Variants in UPRT observed in about 807,000 individuals in gnomAD.
UPRT encodes uracil phosphoribosyltransferase homolog, also known as RP11-311P8.3.
Under a neutral mutation model 22.6 loss-of-function variants are expected in UPRT, and 5 were observed. That is an observed-to-expected ratio of 0.22 (90% CI 0.12 to 0.47). The LOEUF (loss-of-function observed/expected upper bound fraction) is 0.47. Ranked by LOEUF, UPRT falls within the 20% of genes least tolerant of loss-of-function variation. The pLI is 0.99. For synonymous variants in UPRT, 77 were observed against 87.7 expected, an observed-to-expected ratio of 0.88 and a Z score of 0.68; for missense variants, 181 against 239.9, an observed-to-expected ratio of 0.75 and a Z score of 1.62.
chrX:75,183,093 T>C (rs2082276346), intron 4 of UPRT, among the ~76,000 whole-genome samples: 1 of 110,950 alleles, frequency 9.0e-6, no homozygotes, highest in African/African-American at 3.3e-5. Context: ...TACATATGTA[T>C]ACATGTGACA....
intron 4 of UPRT, among the ~76,000 whole-genome samples, chrX:75,255,881 A>C (rs1384639131): frequency 1.8e-5 from 2 of 111,933 alleles, no homozygotes; most frequent in African/African-American, 3.2e-5. Flanking sequence ...TAATAGACCT[A>C]AGAAATGAGT....
intron 4 of UPRT, among the ~76,000 whole-genome samples, chrX:75,248,018 C>T (rs1363777712): frequency 8.9e-6 from 1 of 111,836 alleles, no homozygotes; most frequent in Non-Finnish European, 1.9e-5. Flanking sequence ...CGGTTAGAAG[C>T]AAAACTAACA....
intron 4 of UPRT, among the ~76,000 whole-genome samples, chrX:75,253,605 C>A (rs1345206341): frequency 8.9e-6 from 1 of 111,854 alleles, no homozygotes; most frequent in South Asian, 3.8e-4. Context: ...ATGGACAGAG[C>A]AGTGCGTGGA....
intron 4 of UPRT, among the ~76,000 whole-genome samples, chrX:75,188,816 C>T (rs757702406): frequency 8.9e-6 from 1 of 111,956 alleles, no homozygotes; most frequent in Non-Finnish European, 1.9e-5. Flanking sequence ...CTTTCTTTGA[C>T]TAGGAAAGGG....
At chrX:75,247,663 C>A (rs1386503420) in intron 4 of UPRT, among the ~76,000 whole-genome samples, 1 of 112,756 alleles carries the variant, frequency 8.9e-6, no homozygotes, top group African/African-American at 3.2e-5. Flanking sequence ...AGGGCACAAA[C>A]AAAAGGCAGC....
chrX:75,206,975 T>C lies in UPRT; in HGVS notation c.-447+39096T>C, dbSNP rs1020343502. 5.3e-5 allele frequency among the ~76,000 whole-genome samples: 6 copies of C among 112,544 alleles called. No individual in the cohort carries two copies. In the Admixed American group the frequency reaches 5.6e-4, roughly 11 times the overall value. ...CACCACACTTGGCCAATGATGGGGT[T>C]TTAAGAGCTGCCTGCTGGGCTGCCA... On this transcript the variant is annotated intron_variant, in intron 4 of 13. Transcript: ENST00000652605.
intron 4 of UPRT, among the ~76,000 whole-genome samples, chrX:75,243,238 C>G (rs1306045310): frequency 1.8e-5 from 2 of 111,253 alleles, no homozygotes; most frequent in Non-Finnish European, 3.8e-5. Flanking sequence ...AAGATCTTCT[C>G]TCATTTTTTC....
intron 4 of UPRT, among the ~76,000 whole-genome samples, chrX:75,184,051 G>T (rs1346896904): frequency 8.9e-6 from 1 of 111,812 alleles, no homozygotes; most frequent in Non-Finnish European, 1.9e-5. Flanking sequence ...GTCAATTTTG[G>T]CTTTTGTTGC....
chrX:75,233,267 C>A (rs1318599308), intron 4 of UPRT, among the ~76,000 whole-genome samples: 1 of 110,041 alleles, frequency 9.1e-6, no homozygotes, highest in East Asian at 2.9e-4. Flanking sequence ...GCAAAGCCTC[C>A]AAGAAATATG....
At chrX:75,157,274 AG>A (rs1569255262) in intron 1 of UPRT, among the ~76,000 whole-genome samples, 1 of 112,291 alleles carries the variant, frequency 8.9e-6, no homozygotes, top group Non-Finnish European at 1.9e-5. Flanking sequence ...TCTTATGAAG[AG>A]GTACTTTGGA....
chrX:75,208,106 G>C (rs1392152589), intron 4 of UPRT, among the ~76,000 whole-genome samples: 1 of 111,401 alleles, frequency 9.0e-6, no homozygotes, highest in Non-Finnish European at 1.9e-5. Flanking sequence ...CCTTTGAAGG[G>C]GCATGTCCCA....
In UPRT at chrX:75,200,504, G is replaced by C. The variant is rs149438690; in HGVS notation, c.-447+32625G>C. Among the ~76,000 whole-genome samples, 1,052 of 112,265 alleles carry C rather than the reference G, an allele frequency of 9.4e-3. 44 individuals carry two copies. The highest frequency in any genetic ancestry group is 0.09 in the Admixed American group (949 of 10,603). On this transcript the variant is annotated intron_variant, in intron 4 of 13. Coordinates refer to the UPRT transcript ENST00000652605. ...AGCTACTCAGGAGACTGAGGCATGA[G>C]AATCACTTGAACCCAAGAGCCGGAG...
chrX:75,206,736 C>A (rs767110485), intron 4 of UPRT, among the ~76,000 whole-genome samples: 18 of 110,596 alleles, frequency 1.6e-4, no homozygotes, highest in African/African-American at 5.9e-4. Context: ...ATGATTTTGG[C>A]TCACTGCAAC....
intron 4 of UPRT, among the ~76,000 whole-genome samples, chrX:75,255,323 A>T (rs2082546263): frequency 8.9e-6 from 1 of 111,973 alleles, no homozygotes; most frequent in South Asian, 3.7e-4. Flanking sequence ...ATTCACCACT[A>T]CCAAGCCACC....
intron 4 of UPRT, among the ~76,000 whole-genome samples, chrX:75,209,477 G>T: frequency 8.9e-6 from 1 of 111,983 alleles, no homozygotes; most frequent in East Asian, 2.8e-4. Flanking sequence ...GGGTTCAAGT[G>T]ATTCTCCTGC....
chrX:75,207,384 T>C (rs2082370027), intron 4 of UPRT, among the ~76,000 whole-genome samples: 1 of 111,623 alleles, frequency 9.0e-6, no homozygotes, highest in South Asian at 3.8e-4. Flanking sequence ...AATGATAGTA[T>C]AGCCATGGCT....
intron 4 of UPRT, among the ~76,000 whole-genome samples, chrX:75,236,745 G>A (rs371029767): frequency 8.9e-6 from 1 of 112,341 alleles, no homozygotes; most frequent in South Asian, 3.6e-4. Flanking sequence ...TGGCTAGCCA[G>A]ATGTAGAAAG....
intron 1 of UPRT, among the ~76,000 whole-genome samples, chrX:75,284,781 G>A (rs912778405): frequency 3.6e-5 from 4 of 111,912 alleles, no homozygotes; most frequent in Middle Eastern, 4.7e-3. Context: ...TTGGCCTCCT[G>A]CCAGGAGGTG....
chrX:75,252,828 G>A (rs1201864771), intron 4 of UPRT, among the ~76,000 whole-genome samples: 2 of 112,379 alleles, frequency 1.8e-5, no homozygotes, highest in Non-Finnish European at 3.8e-5. Context: ...TTAAGAAAAT[G>A]TGGCACATAT....
Sources: gnomAD v4.1 joint callset for allele counts (sites outside exome capture counted in the v4.1 genomes callset) on GRCh38, gnomAD v4.1.1 for gene constraint, MANE v1.5 for transcripts, NCBI Gene and HGNC (gene_info 2026-07-23, HGNC 2026-07-21) for gene names.